DNAH10: variants seen among roughly 807,000 people sequenced by gnomAD.
DNAH10 encodes dynein axonemal heavy chain 10.
In DNAH10, 348 loss-of-function variants were observed where a neutral mutation model predicts 506.6. The ratio of observed to expected loss-of-function variants is 0.69; its 90% CI spans 0.63 to 0.75. DNAH10 has a LOEUF of 0.75. Ranked by LOEUF, DNAH10 falls within the 30% of genes least tolerant of loss-of-function variation. The pLI, the probability that DNAH10 is intolerant of heterozygous loss-of-function variation, is 0.00. For synonymous variants in DNAH10, 2,059 were observed against 2,198.6 expected (o/e 0.94, Z 1.78); for missense variants, 5,179 against 5,787.1 (o/e 0.89, Z 3.41).
chr12:123,834,886 T>C (rs1960970241), intron 27 of DNAH10, among the ~76,000 whole-genome samples: 1 of 152,250 alleles, frequency 6.6e-6, no homozygotes, highest in East Asian at 1.9e-4. Flanking sequence ...TAATATTAAA[T>C]CATGTGGATT....
intron 12 of DNAH10, among the ~76,000 whole-genome samples, chr12:123,794,715 G>A (rs901364984): frequency 7.3e-5 from 11 of 151,706 alleles, no homozygotes; most frequent in South Asian, 2.1e-4. Context: ...GTGTGGTGGC[G>A]CACACCTATG....
chr12:123,902,764 A>T lies in DNAH10; in HGVS notation c.9641-175A>T, dbSNP rs1009610364. 6.6e-6 allele frequency among the ~76,000 whole-genome samples: 1 copy of T among 152,160 alleles called. No individual in the cohort carries two copies. Among genetic ancestry groups the T allele is most frequent in the African/African-American group, 2.4e-5 (1 of 41,442 alleles). ...CTGCCTAGTGCTGGAGGCCCCACGC[A>T]TGGTGAGGTTTTCTGTCCCACCAGG... On this transcript the variant is annotated intron_variant, in intron 56 of 78. Coordinates refer to ENST00000673944, the MANE Select transcript of DNAH10 (RefSeq NM_001372106.1). This position sits in a 1 kb window ranked among gnomAD's most constrained non-coding sequence, Gnocchi z 4.5.
intron 1 of DNAH10, among the ~76,000 whole-genome samples, chr12:123,764,729 C>A (rs1473829864): frequency 6.6e-6 from 1 of 152,190 alleles, no homozygotes. Context: ...GCCCCCTGAC[C>A]CGTTTCTGGG....
At position 123,931,365 on chromosome 12, in the gene DNAH10, C is replaced by G. The variant is rs768208922; in HGVS notation, c.12809C>G (p.Ala4270Gly). The stretch of plus-strand genomic sequence containing the variant: ...GAAGCCATCGAGGCCCTCCCGCTTG[C>G]CAACACGCCAGAAGTGTTTGGTCTC... ...FVEAIEALPL[A>G]NTPEVFGLHP... The change falls in exon 74 of 79, where the codon GCC becomes GGC. Residue 4270 changes from alanine to glycine, a missense_variant. By Grantham distance (60) the Ala-to-Gly change is moderately conservative. Around this residue, in one of 3 missense-constraint regions of DNAH10, gnomAD observed 4,844 missense variants for 5,430.5 expected, o/e 0.89. Transcript: ENST00000673944. The G allele has an allele frequency of 4.3e-6, 7 of 1,613,894 alleles. No homozygotes were observed. In the Admixed American group the frequency reaches 1.0e-4, roughly 23 times the overall value.
chr12:123,771,097 G>T (rs1169346225), intron 2 of DNAH10, among the ~76,000 whole-genome samples: 1 of 150,970 alleles, frequency 6.6e-6, no homozygotes. Context: ...AGCCTCCCGA[G>T]TAGCTGCGAT....
chr12:123,824,758 C>A, intron 24 of DNAH10, among the ~76,000 whole-genome samples: 1 of 152,126 alleles, frequency 6.6e-6, no homozygotes, highest in East Asian at 1.9e-4. Context: ...CATCACATTG[C>A]TGTCTTCCCT....
intron 43 of DNAH10, among the ~76,000 whole-genome samples, chr12:123,869,990 C>G (rs1951964179): frequency 6.6e-6 from 1 of 152,206 alleles, no homozygotes; most frequent in African/African-American, 2.4e-5. Context: ...ATCTGTCCCC[C>G]ACCTGGCCCT....
intron 51 of DNAH10, among the ~76,000 whole-genome samples, chr12:123,886,127 A>G (rs751755423): frequency 2.6e-5 from 4 of 152,204 alleles, no homozygotes; most frequent in Non-Finnish European, 5.9e-5. Flanking sequence ...ACATTTTTCT[A>G]TAGGACAAGG....
rs551360820 is a variant in DNAH10 at position 123,794,680 on chromosome 12, T to TACAA, written c.1986+570_1986+573dup. On this transcript the variant is annotated intron_variant, in intron 12 of 78. Transcript: ENST00000673944. The stretch of plus-strand genomic sequence containing the variant: ...AGGCAACATAGCAAAACTCCATCTC[T>TACAA]ACAAAAAATATGAAAATTATCCTGG... Among the ~76,000 whole-genome samples, 72 of 151,820 alleles carry TACAA rather than the reference T, an allele frequency of 4.7e-4. No homozygotes were observed. In the South Asian group the frequency reaches 0.014, roughly 30 times the overall value.
chr12:123,813,699 C>T (rs764459866), intron 20 of DNAH10, 55 bp from the exon 21 acceptor site: 13 of 1,612,442 alleles, frequency 8.1e-6, no homozygotes, highest in Admixed American at 1.7e-5. Context: ...TCTTCATTTG[C>T]GCCATTACTG....
rs1047699919 is a variant in DNAH10, at chr12:123,803,559, T to C, written c.2615-102T>C. 102 of 1,206,062 alleles carry C rather than the reference T, an allele frequency of 8.5e-5. 1 individual carries two copies. Among genetic ancestry groups the C allele is most frequent in the Non-Finnish European group, 1.1e-4 (100 of 898,886 alleles). The allele number at this position is 1,206,062 out of a possible 1,614,324, so 74.7% of individuals were successfully genotyped here. On this transcript the variant is annotated intron_variant, in intron 16 of 78. Transcript: ENST00000673944. ...AAGGGGTTGGAATGAGCAGGGTCTT[T>C]CCTGCAAAGGGATGCCAGTATTAAC...
rs1368653293 is a variant in DNAH10, at chr12:123,762,497, C to T, written c.161C>T (p.Ser54Leu). 7.2e-6 allele frequency: 11 copies of T among 1,530,412 alleles called. No homozygotes were observed. The highest frequency in any genetic ancestry group is 2.0e-5 in the Admixed American group (1 of 50,088). 94.8% of individuals were successfully genotyped at this position (1,530,412 alleles called of 1,614,324 possible). A position where few individuals can be genotyped will look rare whatever the true frequency, so the allele number is the denominator to read the frequency against. Residue 54 changes from serine to leucine, a missense_variant, in exon 1 of 79, where the codon TCG becomes TTG. Coordinates refer to ENST00000673944, the MANE Select transcript of DNAH10 (RefSeq NM_001372106.1). The surrounding 1 kb of genome is among the most constrained non-coding windows in gnomAD (Gnocchi z 5.0). ...CAGGCGAGCGAGGAGGAGGGGCCCT[C>T]GGCGCTCTTCATCTACCGCACTATG... ...LNQASEEEGPSALFIYRTMVP... is the reference protein window; with the variant it reads ...LNQASEEEGPLALFIYRTMVP...
At chr12:123,765,999 T>C (rs1208682482) in intron 1 of DNAH10, among the ~76,000 whole-genome samples, 1 of 152,174 alleles carries the variant, frequency 6.6e-6, no homozygotes, top group Non-Finnish European at 1.5e-5. Context: ...CTATCAATTA[T>C]CTACCAATTT....
chr12:123,843,403 C>T (rs908616893), intron 30 of DNAH10, among the ~76,000 whole-genome samples: 2 of 152,064 alleles, frequency 1.3e-5, no homozygotes, highest in Admixed American at 6.6e-5. Flanking sequence ...TTACAAGGCC[C>T]GTCTTTGTTC....
At chr12:123,780,123 C>CA (rs1359546708) in intron 5 of DNAH10, among the ~76,000 whole-genome samples, 1 of 150,804 alleles carries the variant, frequency 6.6e-6, no homozygotes, top group East Asian at 2.0e-4. Flanking sequence ...CTCCCTGTGC[C>CA]AGTTTCCCCT....
chr12:123,862,308 T>C (rs770994259), intron 39 of DNAH10, among the ~76,000 whole-genome samples: 3 of 152,194 alleles, frequency 2.0e-5, no homozygotes, highest in Non-Finnish European at 4.4e-5. Context: ...TGTTGATGGT[T>C]ACTTGAATCT....
In DNAH10 at chr12:123,915,064, C is replaced by T. The variant is rs527645163; in HGVS notation, c.10722+65C>T. 116 of 1,512,904 alleles carry T rather than the reference C, an allele frequency of 7.7e-5. No homozygotes were observed. The South Asian group carries it at 1.1e-3, about 15-fold the overall frequency. The allele number at this position is 1,512,904 out of a possible 1,614,324, so 93.7% of individuals were successfully genotyped here. A position where few individuals can be genotyped will look rare whatever the true frequency, so the allele number is the denominator to read the frequency against. On this transcript the variant is annotated intron_variant, in intron 62 of 78. Transcript: ENST00000673944. ...CCTGTTCTCTGGAGAATGCCCCTCC[C>T]GCCTCCTGTACGTGGCAGTCCCTAG...
At chr12:123,834,906 T>C (rs1170376106) in intron 27 of DNAH10, among the ~76,000 whole-genome samples, 2 of 152,246 alleles carry the variant, frequency 1.3e-5, no homozygotes, top group East Asian at 3.8e-4. Flanking sequence ...TGATCACATG[T>C]TGTTTTTCTA....
intron 16 of DNAH10, 58 bp from the exon 17 acceptor site, chr12:123,803,603 G>A (rs908790318): frequency 2.1e-6 from 3 of 1,435,554 alleles, no homozygotes; most frequent in East Asian, 2.6e-5. Flanking sequence ...CGTTGGTGGG[G>A]GGATGTGGAA....
Sources: allele counts gnomAD v4.1 joint callset (sites outside exome capture counted in the v4.1 genomes callset), GRCh38; gene constraint gnomAD v4.1.1; regional missense constraint gnomAD v4.1.1; non-coding constraint Gnocchi (gnomAD v3.1); transcripts MANE v1.5; gene names NCBI Gene and HGNC (gene_info 2026-07-23, HGNC 2026-07-21).